Variants in SLC24A5 observed in about 807,000 individuals in gnomAD.
SLC24A5 encodes the protein solute carrier family 24 member 5, also known as sodium/potassium/calcium exchanger 5.
Under a neutral mutation model 51.6 loss-of-function variants are expected in SLC24A5, and 46 were observed. The observed-to-expected ratio is 0.89, with a 90% CI of 0.70 to 1.14. The LOEUF (loss-of-function observed/expected upper bound fraction) is 1.14. Ranked by LOEUF, SLC24A5 falls within the 50% of genes most tolerant of loss-of-function variation. The probability of loss-of-function intolerance (pLI) is 0.00; values close to 1 mark genes in which losing one functional copy is unlikely to be tolerated. For missense variants in SLC24A5, 581 were observed against 604.1 expected, an observed-to-expected ratio of 0.96 and a Z score of 0.40; for synonymous variants, 230 against 214.9, an observed-to-expected ratio of 1.07 and a Z score of -0.62.
chr15:48,132,461 T>C (rs1450518176), intron 2 of SLC24A5, among the ~76,000 whole-genome samples: 6 of 152,168 alleles, frequency 3.9e-5, no homozygotes, highest in Admixed American at 2.0e-4. Context: ...TTTTGTTCAC[T>C]GCCTTATTAC....
In SLC24A5 at chr15:48,121,176, A is replaced by C. The variant is rs1003925958; in HGVS notation, c.121+11A>C. On this transcript the variant is annotated intron_variant, in intron 1 of 8. Coordinates refer to ENST00000341459, the MANE Select transcript of SLC24A5 (RefSeq NM_205850.3). ...TCCCAAGGGCCACAGGTAGGTGGAC[A>C]TTGGGGTCAGTTAGCTCTGCAGCAG... 1 of 1,606,212 alleles carries C rather than the reference A, an allele frequency of 6.2e-7. No homozygotes were observed.
intron 2 of SLC24A5, among the ~76,000 whole-genome samples, chr15:48,126,615 G>A (rs934813158): frequency 6.6e-6 from 1 of 152,112 alleles, no homozygotes; most frequent in African/African-American, 2.4e-5. Flanking sequence ...ATGGGGTGAG[G>A]AATAAACTAA....
chr15:48,129,124 T>A (rs1478713672), intron 2 of SLC24A5, among the ~76,000 whole-genome samples: 1 of 151,670 alleles, frequency 6.6e-6, no homozygotes, highest in Non-Finnish European at 1.5e-5. Flanking sequence ...ATAGGGAGAG[T>A]CTTTTTCGGT....
At chr15:48,123,509 T>C (rs1237952177) in intron 2 of SLC24A5, 1 of 152,200 alleles carries the variant, frequency 6.6e-6, no homozygotes, top group Non-Finnish European at 1.5e-5. Context: ...ACATTATTTT[T>C]AATGATATCA....
At chr15:48,121,371 T>C (rs867134397) in intron 1 of SLC24A5, among the ~76,000 whole-genome samples, 7 of 152,208 alleles carry the variant, frequency 4.6e-5, no homozygotes, top group African/African-American at 1.4e-4. Flanking sequence ...ACAGAGATCA[T>C]AGTAGGCCAA....
chr15:48,121,253 T>G, intron 1 of SLC24A5, 88 bp downstream of exon 1: 11 of 1,381,236 alleles, frequency 8.0e-6, no homozygotes, highest in Non-Finnish European at 9.7e-6. Flanking sequence ...AAGAGGAAAA[T>G]TCTCAATGGG....
Position 48,142,296 on chromosome 15 carries a change from T to G in SLC24A5, c.1448T>G (p.Val483Gly). 1 of 1,612,628 alleles carries G rather than the reference T, an allele frequency of 6.2e-7. No individual in the cohort carries two copies. Among genetic ancestry groups the G allele is most frequent in the South Asian group, 1.1e-5 (1 of 90,902 alleles). The change falls in exon 9 of 9, where the codon GTT (valine) becomes GGT (glycine). Residue 483 changes from valine (V) to glycine (G), a missense_variant. Physicochemically the swap from Val to Gly is moderately radical, Grantham distance 109. Transcript: ENST00000341459. ...TACTTGGGGCTTGCTACATTATCAG[T>G]TCTATATGAACTTGGAATTATTGGA... ...LSYLGLATLS[V>G]LYELGIIGNN... is the part of the protein sequence containing the mutation.
intron 7 of SLC24A5, 86 bp from the exon 8 acceptor site, chr15:48,141,022 TTTTTG>T (rs2039061690): frequency 9.6e-7 from 1 of 1,037,530 alleles, no homozygotes; most frequent in East Asian, 2.5e-5. Context: ...GCCTATTTTA[TTTTTG>T]TTCACGAAGG....
chr15:48,125,154 A>G (rs138230708), intron 2 of SLC24A5, among the ~76,000 whole-genome samples: 21 of 152,178 alleles, frequency 1.4e-4, no homozygotes, highest in South Asian at 1.0e-3. Context: ...ATAGTTATCA[A>G]CATAACCCTC....
At chr15:48,134,611 T>C in intron 4 of SLC24A5, 73 bp downstream of exon 4, 1 of 1,159,988 alleles carries the variant, frequency 8.6e-7, no homozygotes, top group Non-Finnish European at 1.3e-6. Context: ...TCGTCTGGGA[T>C]GGACAACAGG....
At position 48,142,127 on chromosome 15, in the gene SLC24A5, G is replaced by A; in HGVS notation, c.1279G>A (p.Gly427Arg). ...GTTTATTAAAACTGCATTTATAAAT[G>A]GATCAGCTCCTGCAGAAGTAAACAG... Reference protein sequence around the residue: ...PWFIKTAFINGSAPAEVNSRG... With the variant: ...PWFIKTAFINRSAPAEVNSRG... The change falls in exon 9 of 9, where the codon GGA becomes AGA. Residue 427 changes from glycine to arginine, a missense_variant. Gly to Arg is a moderately radical substitution (Grantham distance 125, BLOSUM62 -2). Coordinates refer to ENST00000341459, the MANE Select transcript of SLC24A5 (RefSeq NM_205850.3). 6.2e-7 allele frequency: 1 copy of A among 1,613,676 alleles called. No individual in the cohort carries two copies. Among genetic ancestry groups the A allele is most frequent in the Non-Finnish European group, 8.5e-7 (1 of 1,179,748 alleles).
At position 48,134,725 on chromosome 15, in the gene SLC24A5, CTGTG is replaced by C; in HGVS notation, c.490-157_490-154del. On this transcript the variant is annotated intron_variant, in intron 4 of 8. Coordinates refer to ENST00000341459, the MANE Select transcript of SLC24A5 (RefSeq NM_205850.3). ...AGCTCTTGGTCAGATTTATGAAAGT[CTGTG>C]TAAGTTAGAACACAATTTTACATTT... 4.1e-6 allele frequency: 3 copies of C among 733,360 alleles called. No homozygotes were observed. In the South Asian group the frequency reaches 6.0e-5, roughly 15 times the overall value. 45.4% of individuals were successfully genotyped at this position (733,360 alleles called of 1,614,324 possible).
intron 1 of SLC24A5, 103 bp downstream of exon 1, chr15:48,121,268 C>T: frequency 8.1e-7 from 1 of 1,233,070 alleles, no homozygotes; most frequent in Non-Finnish European, 1.1e-6. Context: ...AATGGGCTCA[C>T]TTTTACTTAC....
At chr15:48,138,362 T>C (rs2038954014) in intron 6 of SLC24A5, 1 of 152,066 alleles carries the variant, frequency 6.6e-6, no homozygotes, top group Admixed American at 6.6e-5. Context: ...TTTCATAAAT[T>C]GTACTTTAGA....
intron 6 of SLC24A5, chr15:48,137,941 C>G (rs1052511408): frequency 1.3e-5 from 2 of 152,036 alleles, no homozygotes; most frequent in Non-Finnish European, 1.5e-5. Context: ...TTGTCCAAAA[C>G]AGATTCTAAA....
intron 2 of SLC24A5, among the ~76,000 whole-genome samples, chr15:48,132,698 C>T (rs1399567596): frequency 6.6e-6 from 1 of 152,084 alleles, no homozygotes; most frequent in Non-Finnish European, 1.5e-5. Context: ...CTCACTCTCT[C>T]ATATGTCTGG....
chr15:48,128,407 C>T (rs1195426403), intron 2 of SLC24A5, among the ~76,000 whole-genome samples: 1 of 152,116 alleles, frequency 6.6e-6, no homozygotes, highest in Non-Finnish European at 1.5e-5. Context: ...TAAATATTTA[C>T]TTTTTATTTT....
intron 7 of SLC24A5, chr15:48,139,790 C>T (rs1222757170): frequency 3.9e-5 from 6 of 152,132 alleles, no homozygotes; most frequent in African/African-American, 1.4e-4. Context: ...CAAAAATAAT[C>T]TGTAATTTCT....
At chr15:48,128,872 A>G (rs2038759747) in intron 2 of SLC24A5, among the ~76,000 whole-genome samples, 1 of 152,190 alleles carries the variant, frequency 6.6e-6, no homozygotes, top group Non-Finnish European at 1.5e-5. Context: ...AAAGTTATGT[A>G]TTATCTCTTT....
Sources: gnomAD v4.1 joint callset for allele counts (sites outside exome capture counted in the v4.1 genomes callset) on GRCh38, gnomAD v4.1.1 for gene constraint, MANE v1.5 for transcripts, NCBI Gene and HGNC (gene_info 2026-07-23, HGNC 2026-07-21) for gene names.